The following IL11RA variants were observed in gnomAD, a reference collection of about 807,000 sequenced individuals.
IL11RA encodes the protein interleukin-11 receptor subunit alpha.
In IL11RA, 51 loss-of-function variants were observed where a neutral mutation model predicts 57.0. The observed-to-expected ratio is 0.89, with a 90% confidence interval of 0.71 to 1.13. IL11RA has a LOEUF of 1.13. Ranked by LOEUF, IL11RA falls within the 50% of genes most tolerant of loss-of-function variation. The pLI, the probability that IL11RA is intolerant of heterozygous loss-of-function variation, is 0.00. For synonymous variants in IL11RA, 199 were observed against 217.5 expected, an observed-to-expected ratio of 0.91 and a Z score of 0.75; for missense variants, 498 against 539.4, an observed-to-expected ratio of 0.92 and a Z score of 0.76.
rs1475189263 is a variant in IL11RA at position 34,653,301 on chromosome 9, TGTG to T, written c.-1+1069_-1+1071del. Among the ~76,000 whole-genome samples, 1 of 152,132 alleles carries T rather than the reference TGTG, an allele frequency of 6.6e-6. No individual in the cohort carries two copies. Among genetic ancestry groups the T allele is most frequent in the Non-Finnish European group, 1.5e-5 (1 of 68,020 alleles). ...GCCCGTGTGACTGTGAGTGACCGCA[TGTG>T]AGAGTGTATGAGTCTGAGGGTAACT... On this transcript the variant is annotated intron_variant, in intron 1 of 12. Transcript: ENST00000441545. This position sits in a 1 kb window ranked among gnomAD's most constrained non-coding sequence, Gnocchi z 4.5.
Position 34,658,722 on chromosome 9 carries a change from C to A in IL11RA, c.810+39C>A. On this transcript the variant is annotated intron_variant, in intron 8 of 12. Coordinates refer to ENST00000441545, the MANE Select transcript of IL11RA (RefSeq NM_001142784.3). The surrounding 1 kb of genome is among the most constrained non-coding windows in gnomAD (Gnocchi z 4.0). ...TGCGTCCCAACCCACGGCTGTGGGT[C>A]CTGTCTCTGATTTCACGATCCTGGG... 6.3e-7 allele frequency: 1 copy of A among 1,597,856 alleles called. No homozygotes were observed. The highest frequency in any genetic ancestry group is 8.5e-7 in the Non-Finnish European group (1 of 1,173,034).
At chr9:34,659,263 G>A (rs901731148) in intron 8 of IL11RA, among the ~76,000 whole-genome samples, 2 of 152,194 alleles carry the variant, frequency 1.3e-5, no homozygotes, top group African/African-American at 4.8e-5. Context: ...TTCACCTAGA[G>A]GCACATTCTC....
rs1821360915 is a variant in IL11RA, at chr9:34,657,129, C to T, written c.426C>T (p.Thr142=). The stretch of plus-strand genomic sequence containing the variant: ...CCAGCCAGATCAGCGGTTTACCCAC[C>T]CGCTACCTCACCTCCTACAGGTGTG... ...WSPSQISGLP[T]RYLTSYRKKT... is the part of the protein sequence containing the mutation. The change falls in exon 5 of 13, where the codon ACC becomes ACT. Residue 142 remains threonine, a synonymous_variant. Coordinates refer to ENST00000441545, the MANE Select transcript of IL11RA (RefSeq NM_001142784.3). The T allele has an allele frequency of 6.2e-7, 1 of 1,614,050 alleles. No homozygotes were observed. Among genetic ancestry groups the T allele is most frequent in the South Asian group, 1.1e-5 (1 of 91,082 alleles).
rs149859411 is a variant in IL11RA at position 34,655,756 on chromosome 9, G to A, written c.161+91G>A. 7,174 of 1,062,222 alleles carry A rather than the reference G, an allele frequency of 6.8e-3. 133 individuals carry two copies. The highest frequency in any genetic ancestry group is 0.043 in the Admixed American group (2,330 of 54,248). 65.8% of individuals were successfully genotyped at this position (1,062,222 alleles called of 1,614,324 possible). On this transcript the variant is annotated intron_variant, in intron 3 of 12. Coordinates refer to ENST00000441545, the MANE Select transcript of IL11RA (RefSeq NM_001142784.3). ...TGTCCCGCCCCTCCCATCCTTGCCCGCTCTGTCCGTAATCCTCACCTCTCT... is the reference window on the plus strand; with the variant it reads ...TGTCCCGCCCCTCCCATCCTTGCCCACTCTGTCCGTAATCCTCACCTCTCT...
In IL11RA at chr9:34,658,382, T is replaced by C. The variant is rs1821386901; in HGVS notation, c.647-138T>C. The C allele has an allele frequency of 4.5e-6, 4 of 885,666 alleles. No individual in the cohort carries two copies. The highest frequency in any genetic ancestry group is 7.4e-6 in the Non-Finnish European group (4 of 537,988). 54.9% of individuals were successfully genotyped at this position (885,666 alleles called of 1,614,324 possible). On this transcript the variant is annotated intron_variant, in intron 7 of 12. Coordinates refer to ENST00000441545, the MANE Select transcript of IL11RA (RefSeq NM_001142784.3). This position sits in a 1 kb window ranked among gnomAD's most constrained non-coding sequence, Gnocchi z 4.0. ...ATACAGATGACCGGTCTGAGTCTAA[T>C]GGATGATCAAGTTTAAGATTTCCCC...
At position 34,660,867 on chromosome 9, in the gene IL11RA, C is replaced by T. The variant is rs11575580; in HGVS notation, c.1183C>T (p.Arg395Trp). 0.017 allele frequency: 27,224 copies of T among 1,613,792 alleles called. 263 individuals are homozygous for T. The highest frequency in any genetic ancestry group is 0.03 in the Middle Eastern group (182 of 6,060). Reference protein sequence around the residue: ...LALGLWLRLRRGGKDGSPKPG... With the variant: ...LALGLWLRLRWGGKDGSPKPG... ...TCTATGCCCCAGGCTGAGGCTGAGA[C>T]GGGGTGGGAAGGATGGATCCCCAAA... Residue 395 changes from arginine (R) to tryptophan (W), a missense_variant, in exon 12 of 13, where the codon CGG (arginine) becomes TGG (tryptophan). Physicochemically the swap from Arg to Trp is moderately radical, Grantham distance 101. Coordinates refer to ENST00000441545, the MANE Select transcript of IL11RA (RefSeq NM_001142784.3).
At position 34,653,583 on chromosome 9, in the gene IL11RA, C is replaced by T. The variant is rs1332799575; in HGVS notation, c.-1+1350C>T. On this transcript the variant is annotated intron_variant, in intron 1 of 12. Coordinates refer to ENST00000441545, the MANE Select transcript of IL11RA (RefSeq NM_001142784.3). This position sits in a 1 kb window ranked among gnomAD's most constrained non-coding sequence, Gnocchi z 4.5. Reference sequence around the variant, plus strand: ...CTGATTTTTCATTTGATTGTGTCCACGTGTGTTCAAAGGCATGCCCTTTTG... The same window carrying T: ...CTGATTTTTCATTTGATTGTGTCCATGTGTGTTCAAAGGCATGCCCTTTTG... Among the ~76,000 whole-genome samples, 3 of 152,176 alleles carry T rather than the reference C, an allele frequency of 2.0e-5. No individual in the cohort carries two copies. Among genetic ancestry groups the T allele is most frequent in the Non-Finnish European group, 2.9e-5 (2 of 68,026 alleles).
chr9:34,653,712 T>C lies in IL11RA; in HGVS notation c.-1+1479T>C, dbSNP rs1350279916. ...GGGACATAAGTATTAGCCACCCTCC[T>C]TTCCCTCTTGCTGGCCTTGGCTGTG... is the stretch of plus-strand genomic sequence containing the variant. On this transcript the variant is annotated intron_variant, in intron 1 of 12. Coordinates refer to ENST00000441545, the MANE Select transcript of IL11RA (RefSeq NM_001142784.3). The surrounding 1 kb of genome is among the most constrained non-coding windows in gnomAD (Gnocchi z 4.5). Among the ~76,000 whole-genome samples the C allele has an allele frequency of 6.6e-6, 1 of 152,216 alleles. No individual in the cohort carries two copies. Among genetic ancestry groups the C allele is most frequent in the Non-Finnish European group, 1.5e-5 (1 of 68,032 alleles).
Position 34,660,517 on chromosome 9 carries a change from T to C in IL11RA, c.1086T>C (p.Ser362=), listed in dbSNP as rs755966128. 3.1e-6 allele frequency: 5 copies of C among 1,614,164 alleles called. No individual in the cohort carries two copies. The highest frequency in any genetic ancestry group is 3.4e-6 in the Non-Finnish European group (4 of 1,179,966). The part of the protein sequence containing the change: ...PHPRLLDHRD[S]VEQVAVLASL... ...CCTCCCCCTCAGATCACAGGGACTC[T>C]GTGGAGCAGGTAGCTGTGCTGGCGT... Residue 362 remains serine (S), a synonymous_variant, in exon 11 of 13, where the codon TCT becomes TCC. Coordinates refer to ENST00000441545, the MANE Select transcript of IL11RA (RefSeq NM_001142784.3).
At chr9:34,660,190 A>C (rs1821425323) in intron 9 of IL11RA, 84 bp from the exon 10 acceptor site, 1 of 1,599,678 alleles carries the variant, frequency 6.3e-7, no homozygotes, top group Admixed American at 1.7e-5. Context: ...CTTGACTTCC[A>C]ACCTAGGCCT....
chr9:34,659,907 G>A lies in IL11RA; in HGVS notation c.952+7G>A, dbSNP rs905576088. On this transcript the variant is annotated splice_region_variant and intron_variant, in intron 9 of 12. Transcript: ENST00000441545. ...TGGGGAACTCCGAGCACTGGTGAGA[G>A]ACAAAGCCAAAGAAAAGGGCAGAGG... 1.9e-6 allele frequency: 3 copies of A among 1,613,960 alleles called. No homozygotes were observed. The highest frequency in any genetic ancestry group is 2.5e-6 in the Non-Finnish European group (3 of 1,179,900).
In IL11RA at chr9:34,655,213, C is replaced by G. The variant is rs1233088877; in HGVS notation, c.1-5C>G. On this transcript the variant is annotated splice_polypyrimidine_tract_variant and splice_region_variant and intron_variant, in intron 1 of 12. Coordinates refer to ENST00000441545, the MANE Select transcript of IL11RA (RefSeq NM_001142784.3). ...GGGGATTTTTGACTCTACCTCTCCC[C>G]ACAGATGAGCAGCAGCTGCTCAGGG... 6.2e-7 allele frequency: 1 copy of G among 1,606,164 alleles called. No homozygotes were observed. The highest frequency in any genetic ancestry group is 1.1e-5 in the South Asian group (1 of 90,092).
At chr9:34,655,054 G>A in intron 1 of IL11RA, 164 bp from the exon 2 acceptor site, 1 of 669,442 alleles carries the variant, frequency 1.5e-6, no homozygotes, top group Non-Finnish European at 2.8e-6. Context: ...GGTATACAGT[G>A]GGAAAGGGGA....
rs1368332337 is a variant in IL11RA at position 34,655,234 on chromosome 9, C to T, written c.17C>T (p.Ser6Leu). Residue 6 changes from serine to leucine, a missense_variant, in exon 2 of 13, where the codon TCA (serine) becomes TTA (leucine). Transcript: ENST00000441545. ...TCCCCACAGATGAGCAGCAGCTGCT[C>T]AGGGCTGAGCAGGGTCCTGGTGGCC... is the stretch of plus-strand genomic sequence containing the variant. MSSSC[S>L]GLSRVLVAVA... is the part of the protein sequence containing the mutation. 1.9e-6 allele frequency: 3 copies of T among 1,611,586 alleles called. No individual in the cohort carries two copies. The highest frequency in any genetic ancestry group is 2.2e-5 in the South Asian group (2 of 90,440).
chr9:34,656,456 G>A (rs762097303), intron 3 of IL11RA, among the ~76,000 whole-genome samples: 7 of 152,320 alleles, frequency 4.6e-5, no homozygotes, highest in Middle Eastern at 6.8e-3. Flanking sequence ...GTGACAGAGG[G>A]AGCAGCTAGT....
At position 34,653,658 on chromosome 9, in the gene IL11RA, G is replaced by C. The variant is rs1446454797; in HGVS notation, c.-1+1425G>C. Among the ~76,000 whole-genome samples the C allele has an allele frequency of 6.6e-6, 1 of 152,226 alleles. No individual in the cohort carries two copies. The highest frequency in any genetic ancestry group is 1.5e-5 in the Non-Finnish European group (1 of 68,040). ...TGTGAATGTGACTGTGTCTGGCTGT[G>C]TGAAAACACAGGGCATCTCTCACTG... On this transcript the variant is annotated intron_variant, in intron 1 of 12. Coordinates refer to ENST00000441545, the MANE Select transcript of IL11RA (RefSeq NM_001142784.3). This position sits in a 1 kb window ranked among gnomAD's most constrained non-coding sequence, Gnocchi z 4.5.
At chr9:34,657,654 C>A in intron 7 of IL11RA, 67 bp downstream of exon 7, 1 of 1,484,394 alleles carries the variant, frequency 6.7e-7, no homozygotes, top group Non-Finnish European at 9.3e-7. Context: ...TCAGATCTCT[C>A]CACTCCCAGA....
intron 1 of IL11RA, among the ~76,000 whole-genome samples, chr9:34,652,608 AGTGGGTGGCTGGCTTT>A (rs1355233914): frequency 1.3e-5 from 2 of 152,122 alleles, no homozygotes; most frequent in African/African-American, 4.8e-5. Context: ...CCAGCGTGAG[AGTGGGTGGCTGGCTTT>A]GTGTGTGCCA....
Position 34,661,529 on chromosome 9 carries a change from C to T in IL11RA, c.*31C>T, listed in dbSNP as rs1465992851. 6.2e-7 allele frequency: 1 copy of T among 1,611,374 alleles called. No individual in the cohort carries two copies. Among genetic ancestry groups the T allele is most frequent in the East Asian group, 2.2e-5 (1 of 44,896 alleles). ...CCAGGAGGGCTTCGGCAGATTCCAC[C>T]TATAATTCTGTCTTGCTGGTGTGGA... On this transcript the variant is annotated 3_prime_UTR_variant, in exon 13 of 13. Coordinates refer to ENST00000441545, the MANE Select transcript of IL11RA (RefSeq NM_001142784.3).
Sources: allele counts gnomAD v4.1 joint callset (sites outside exome capture counted in the v4.1 genomes callset), GRCh38; gene constraint gnomAD v4.1.1; non-coding constraint Gnocchi (gnomAD v3.1); transcripts MANE v1.5; gene names NCBI Gene and HGNC (gene_info 2026-07-23, HGNC 2026-07-21).